CYFIP2: variants seen among roughly 807,000 people sequenced by gnomAD.
CYFIP2 encodes cytoplasmic FMR1 interacting protein 2, also known as cytoplasmic FMR1-interacting protein 2.
In CYFIP2, 29 loss-of-function variants were observed where a neutral mutation model predicts 158.7. The observed-to-expected ratio is 0.18, with a 90% CI of 0.14 to 0.25. CYFIP2 has a LOEUF of 0.25. Ranked by LOEUF, CYFIP2 falls within the 10% of genes least tolerant of loss-of-function variation. The pLI, the probability that CYFIP2 is intolerant of heterozygous loss-of-function variation, is 1.00. For synonymous variants in CYFIP2, 585 were observed against 617.6 expected (o/e 0.95, Z 0.78); for missense variants, 852 against 1,639.5 (o/e 0.52, Z 8.29).
intron 8 of CYFIP2, among the ~76,000 whole-genome samples, chr5:157,306,709 C>G (rs1327534839): frequency 1.3e-5 from 2 of 152,020 alleles, no homozygotes; most frequent in African/African-American, 4.8e-5. Context: ...AGTGGAACAC[C>G]ATCTTGACAG....
chr5:157,302,636 ACT>A (rs1217358789), intron 6 of CYFIP2, among the ~76,000 whole-genome samples, 156 bp from the exon 7 acceptor site: 2 of 151,960 alleles, frequency 1.3e-5, no homozygotes, highest in Non-Finnish European at 2.9e-5. Flanking sequence ...TTCAGAACAC[ACT>A]CTGTTTCGAC....
chr5:157,338,662 A>C (rs1237752820), intron 21 of CYFIP2, among the ~76,000 whole-genome samples: 1 of 152,192 alleles, frequency 6.6e-6, no homozygotes, highest in Non-Finnish European at 1.5e-5. Context: ...ATAGGGTTCA[A>C]CCTAATAGTA....
chr5:157,324,492 A>C (rs1441282999), intron 16 of CYFIP2, among the ~76,000 whole-genome samples: 1 of 152,200 alleles, frequency 6.6e-6, no homozygotes, highest in Non-Finnish European at 1.5e-5. Context: ...CTCTCCTTTT[A>C]GTAAGATGTA....
intron 15 of CYFIP2, among the ~76,000 whole-genome samples, chr5:157,323,422 G>A (rs1760766895): frequency 6.6e-6 from 1 of 152,138 alleles, no homozygotes; most frequent in Admixed American, 6.5e-5. Flanking sequence ...GTGCTGAAAG[G>A]GACTGGTGTG....
At chr5:157,344,908 A>G (rs1449197113) in intron 23 of CYFIP2, among the ~76,000 whole-genome samples, 1 of 152,242 alleles carries the variant, frequency 6.6e-6, no homozygotes. Context: ...GTGGAGCTGC[A>G]GAAAGGTGCA....
At chr5:157,337,285 G>A (rs1425181480) in intron 21 of CYFIP2, among the ~76,000 whole-genome samples, 3 of 152,088 alleles carry the variant, frequency 2.0e-5, no homozygotes, top group Non-Finnish European at 4.4e-5. Flanking sequence ...TTATTCCTCC[G>A]ATGCTGTTCC....
At chr5:157,278,988 T>C (rs1756776931) in intron 1 of CYFIP2, among the ~76,000 whole-genome samples, 1 of 152,244 alleles carries the variant, frequency 6.6e-6, no homozygotes, top group South Asian at 2.1e-4. Context: ...ATTCCCACCT[T>C]ACAAAACCCA....
intron 3 of CYFIP2, among the ~76,000 whole-genome samples, chr5:157,292,471 G>A (rs1757902952): frequency 6.6e-6 from 1 of 151,998 alleles, no homozygotes; most frequent in African/African-American, 2.4e-5. Flanking sequence ...CACCTGCCTC[G>A]GCCTCCCAAA....
rs777433511 is a variant in CYFIP2, at chr5:157,319,764, G to A, written c.1359G>A (p.Val453=). 6.2e-7 allele frequency: 1 copy of A among 1,613,998 alleles called. No individual in the cohort carries two copies. Among genetic ancestry groups the A allele is most frequent in the Non-Finnish European group, 8.5e-7 (1 of 1,179,874 alleles). Residue 453 remains valine (V), a splice_region_variant and synonymous_variant, in exon 14 of 31, where the codon GTG becomes GTA. Coordinates refer to ENST00000620254, the MANE Select transcript of CYFIP2 (RefSeq NM_001037333.3). Reference sequence around the variant, plus strand: ...ACCCTTGGCCTCTTCCTGCCCAGGTGATCGCCATGATCAAAGGCCTGCAGG... The same window carrying A: ...ACCCTTGGCCTCTTCCTGCCCAGGTAATCGCCATGATCAAAGGCCTGCAGG... The part of the protein sequence containing the change: ...TSEEKFAFVE[V]IAMIKGLQVL...
chr5:157,382,111 T>C (rs1766187785), intron 26 of CYFIP2, among the ~76,000 whole-genome samples: 2 of 152,210 alleles, frequency 1.3e-5, no homozygotes, highest in African/African-American at 4.8e-5. Context: ...CTAGTTGATG[T>C]CTGGTGTGGA....
intron 20 of CYFIP2, 79 bp from the exon 21 acceptor site, chr5:157,333,248 T>C: frequency 6.3e-7 from 1 of 1,585,658 alleles, no homozygotes; most frequent in Non-Finnish European, 8.6e-7. Context: ...TCCCCCAAAG[T>C]GCTGGGATTA....
intron 1 of CYFIP2, among the ~76,000 whole-genome samples, chr5:157,282,190 C>T (rs1757039756): frequency 6.6e-6 from 1 of 152,154 alleles, no homozygotes; most frequent in Admixed American, 6.5e-5. Context: ...AAGCATGGTG[C>T]CAGCATCTGC....
At position 157,358,989 on chromosome 5, in the gene CYFIP2, T is replaced by C; in HGVS notation, c.2674-16T>C. 1 of 1,613,984 alleles carries C rather than the reference T, an allele frequency of 6.2e-7. No homozygotes were observed. ...CAGTACTCAGGCACTTATTTGCCAC[T>C]ACCTCTGTTTTCCAGCCTCTCAACA... On this transcript the variant is annotated splice_polypyrimidine_tract_variant and intron_variant, in intron 23 of 30. Transcript: ENST00000620254.
At chr5:157,277,833 T>C (rs1756684828) in intron 1 of CYFIP2, among the ~76,000 whole-genome samples, 1 of 152,142 alleles carries the variant, frequency 6.6e-6, no homozygotes, top group South Asian at 2.1e-4. Context: ...CAAGAAAACA[T>C]CATAGAGTGC....
intron 3 of CYFIP2, among the ~76,000 whole-genome samples, chr5:157,293,441 C>A (rs1206804772): frequency 6.6e-6 from 1 of 152,148 alleles, no homozygotes; most frequent in Non-Finnish European, 1.5e-5. Context: ...TGTATTTTTT[C>A]ACGCTCGTTT....
Position 157,361,617 on chromosome 5 carries a change from G to C in CYFIP2, c.3039+19G>C. 1 of 1,613,706 alleles carries C rather than the reference G, an allele frequency of 6.2e-7. No individual in the cohort carries two copies. Among genetic ancestry groups the C allele is most frequent in the Non-Finnish European group, 8.5e-7 (1 of 1,179,746 alleles). On this transcript the variant is annotated intron_variant, in intron 26 of 30. Coordinates refer to ENST00000620254, the MANE Select transcript of CYFIP2 (RefSeq NM_001037333.3). This position sits in a 1 kb window ranked among gnomAD's most constrained non-coding sequence, Gnocchi z 4.4. The stretch of plus-strand genomic sequence containing the variant: ...AGCTCTGGTAAGTCCAGAGCCCAAA[G>C]GAAGTGGGGTGTCTCCAGGTTGGAG...
At chr5:157,390,716 A>T in intron 30 of CYFIP2, 48 bp downstream of exon 30, 1 of 1,557,158 alleles carries the variant, frequency 6.4e-7, no homozygotes, top group Non-Finnish European at 8.7e-7. Context: ...TGGGCTGACA[A>T]CCAGGCTTTT....
chr5:157,295,990 T>C (rs1758223742), intron 4 of CYFIP2, among the ~76,000 whole-genome samples: 2 of 152,168 alleles, frequency 1.3e-5, no homozygotes. Context: ...ATGGAAAGAA[T>C]ATTTCTCTCT....
intron 26 of CYFIP2, among the ~76,000 whole-genome samples, chr5:157,377,612 C>T (rs1479370466): frequency 6.6e-6 from 1 of 152,178 alleles, no homozygotes; most frequent in Non-Finnish European, 1.5e-5. Context: ...TCACCTACTC[C>T]AGCACCTTGC....
Sources: gnomAD v4.1 joint callset for allele counts (sites outside exome capture counted in the v4.1 genomes callset) on GRCh38, gnomAD v4.1.1 for gene constraint, Gnocchi (gnomAD v3.1) non-coding constraint, MANE v1.5 for transcripts, NCBI Gene and HGNC (gene_info 2026-07-23, HGNC 2026-07-21) for gene names.